The following FBXO4 variants were observed in gnomAD, a reference collection of about 807,000 sequenced individuals.
FBXO4 encodes the protein F-box protein 4.
In FBXO4, 36 loss-of-function variants were observed where a neutral mutation model predicts 43.7. The observed-to-expected ratio is 0.82, with a 90% confidence interval of 0.63 to 1.09. FBXO4 has a LOEUF of 1.09. FBXO4 is among the 50% of genes least tolerant of loss of function. The probability of loss-of-function intolerance (pLI) is 0.00; values close to 1 mark genes in which losing one functional copy is unlikely to be tolerated. For missense variants in FBXO4, 435 were observed against 474.1 expected, an observed-to-expected ratio of 0.92 and a Z score of 0.77; for synonymous variants, 180 against 165.6, an observed-to-expected ratio of 1.09 and a Z score of -0.67.
the FBXO4 span, among the ~76,000 whole-genome samples, chr5:41,971,232 GTA>G: frequency 9.2e-4 from 126 of 136,664 alleles, 1 homozygote; most frequent in African/African-American, 2.9e-3. Flanking sequence ...GTGTGTGTGT[GTA>G]TGTGTGTGTG....
At chr5:41,981,005 C>T in the FBXO4 span, among the ~76,000 whole-genome samples, 2 of 151,986 alleles carry the variant, frequency 1.3e-5, no homozygotes, top group Non-Finnish European at 2.9e-5. Context: ...TATACAGTTT[C>T]AAATACTAAC....
At chr5:41,951,813 TG>T in the FBXO4 span, 1 of 215,374 alleles carries the variant, frequency 4.6e-6, no homozygotes, top group Non-Finnish European at 9.3e-6. Context: ...TGGTCAGCCC[TG>T]GAATCAGTAA....
At chr5:41,993,628 T>C in the FBXO4 span, among the ~76,000 whole-genome samples, 1 of 150,080 alleles carries the variant, frequency 6.7e-6, no homozygotes, top group East Asian at 2.0e-4. Context: ...GATATATATA[T>C]ATATATATAT....
the FBXO4 span, among the ~76,000 whole-genome samples, chr5:41,977,647 A>G: frequency 1.3e-5 from 2 of 152,104 alleles, no homozygotes; most frequent in Non-Finnish European, 2.9e-5. Context: ...TTCACTGTCC[A>G]TATTTCTCAA....
chr5:42,001,026 T>C, the FBXO4 span, among the ~76,000 whole-genome samples: 1 of 152,244 alleles, frequency 6.6e-6, no homozygotes, highest in South Asian at 2.1e-4. Context: ...TCAGCTTTGC[T>C]ATTCCTATTA....
chr5:41,996,745 G>C, the FBXO4 span, among the ~76,000 whole-genome samples: 1 of 151,396 alleles, frequency 6.6e-6, no homozygotes, highest in Non-Finnish European at 1.5e-5. Context: ...TTGTAGGGGA[G>C]GCCACATGCA....
At chr5:42,025,235 G>C in the FBXO4 span, among the ~76,000 whole-genome samples, 5 of 151,684 alleles carry the variant, frequency 3.3e-5, 1 homozygote, top group East Asian at 7.7e-4. Context: ...CTGTCTTTTG[G>C]ATATAAGCCA....
chr5:41,954,023 G>A, the FBXO4 span, among the ~76,000 whole-genome samples: 1 of 152,158 alleles, frequency 6.6e-6, no homozygotes, highest in Non-Finnish European at 1.5e-5. Context: ...TGACAGACCA[G>A]TTGGCCCTTC....
chr5:41,945,411 T>C (rs1218163521), downstream of FBXO4, among the ~76,000 whole-genome samples: 1 of 152,212 alleles, frequency 6.6e-6, no homozygotes, highest in African/African-American at 2.4e-5. Context: ...ACAATCTATT[T>C]TTGTAGGGAG....
intron 5 of FBXO4, chr5:41,934,967 T>C: frequency 1.0e-6 from 1 of 981,224 alleles, no homozygotes; most frequent in Non-Finnish European, 1.2e-6. Flanking sequence ...AGTTCTCTAA[T>C]ACACTGGTTT....
the FBXO4 span, among the ~76,000 whole-genome samples, chr5:42,034,547 G>T: frequency 6.6e-6 from 1 of 152,116 alleles, no homozygotes; most frequent in Non-Finnish European, 1.5e-5. Context: ...TGTATAAGGT[G>T]TAAGGAAGGG....
chr5:42,030,856 A>C, the FBXO4 span, among the ~76,000 whole-genome samples: 1 of 152,262 alleles, frequency 6.6e-6, no homozygotes, highest in Non-Finnish European at 1.5e-5. Flanking sequence ...TACATAAAAA[A>C]ATCCTCATTG....
the FBXO4 span, among the ~76,000 whole-genome samples, chr5:42,002,043 C>T: frequency 2.0e-5 from 3 of 152,106 alleles, no homozygotes; most frequent in Admixed American, 6.6e-5. Flanking sequence ...AGAAACATGA[C>T]TAAATGTGTA....
chr5:42,007,594 T>C, the FBXO4 span, among the ~76,000 whole-genome samples: 1 of 152,158 alleles, frequency 6.6e-6, no homozygotes, highest in South Asian at 2.1e-4. Context: ...GTCCCTTGCT[T>C]AATCTCTGTA....
the FBXO4 span, among the ~76,000 whole-genome samples, chr5:41,993,532 A>G: frequency 6.6e-6 from 1 of 151,582 alleles, no homozygotes; most frequent in Non-Finnish European, 1.5e-5. Flanking sequence ...ACTTGCTTAC[A>G]TCAGATCTTC....
chr5:41,939,962 A>G (rs1751961841), intron 6 of FBXO4, among the ~76,000 whole-genome samples: 1 of 140,708 alleles, frequency 7.1e-6, no homozygotes, highest in Admixed American at 7.8e-5. Flanking sequence ...TGATCCCTCC[A>G]CCTCAGCCTC....
chr5:42,030,029 G>T, the FBXO4 span, among the ~76,000 whole-genome samples: 2 of 151,974 alleles, frequency 1.3e-5, no homozygotes, highest in African/African-American at 4.8e-5. Flanking sequence ...TGGCCATATT[G>T]CCCAAGGTAA....
chr5:41,977,511 C>T, the FBXO4 span, among the ~76,000 whole-genome samples: 16 of 152,214 alleles, frequency 1.1e-4, no homozygotes, highest in Admixed American at 6.5e-5. Flanking sequence ...TAAGTTCAAA[C>T]TGCCACAGAT....
chr5:41,934,489 A>G (rs2112579775), intron 5 of FBXO4, 181 bp downstream of exon 5: 1 of 1,421,514 alleles, frequency 7.0e-7, no homozygotes. Flanking sequence ...ATCACCTGGG[A>G]AGCTTGTTAA....
Sources: allele counts gnomAD v4.1 joint callset (sites outside exome capture counted in the v4.1 genomes callset), GRCh38; gene constraint gnomAD v4.1.1; transcripts MANE v1.5; gene names NCBI Gene and HGNC (gene_info 2026-07-23, HGNC 2026-07-21).